AFF3: variants seen among roughly 807,000 people sequenced by gnomAD.
The protein encoded by AFF3 is ALF transcription elongation factor 3, also known as AF4/FMR2 family member 3.
Under a neutral mutation model 129.7 loss-of-function variants are expected in AFF3, and 32 were observed. The observed-to-expected ratio is 0.25, with a 90% CI of 0.19 to 0.33. The LOEUF (loss-of-function observed/expected upper bound fraction) is 0.33. AFF3 is among the 10% of genes least tolerant of loss of function. AFF3 has a pLI of 1.00. For synonymous variants in AFF3, 644 were observed against 635.4 expected, an observed-to-expected ratio of 1.01 and a Z score of -0.20; for missense variants, 1,373 against 1,592.0, an observed-to-expected ratio of 0.86 and a Z score of 2.34.
chr2:99,919,196 T>C (rs1341926793), intron 7 of AFF3, among the ~76,000 whole-genome samples: 1 of 152,210 alleles, frequency 6.6e-6, no homozygotes, highest in Non-Finnish European at 1.5e-5. Context: ...TCTTCTTTTA[T>C]GGATGATCCA....
At chr2:99,729,291 A>G (rs1348958927) in intron 10 of AFF3, among the ~76,000 whole-genome samples, 1 of 152,224 alleles carries the variant, frequency 6.6e-6, no homozygotes, top group African/African-American at 2.4e-5. Context: ...TTGACCAATC[A>G]TGCTGCCCAA....
chr2:99,879,411 T>C (rs1463998880), intron 7 of AFF3, among the ~76,000 whole-genome samples: 3 of 152,178 alleles, frequency 2.0e-5, no homozygotes, highest in African/African-American at 7.2e-5. Flanking sequence ...TCCATAAACG[T>C]GTATAACAAC....
intron 7 of AFF3, among the ~76,000 whole-genome samples, chr2:99,957,347 A>G (rs939022632): frequency 1.3e-5 from 2 of 152,244 alleles, no homozygotes; most frequent in Non-Finnish European, 1.5e-5. Context: ...TTAGGGTTGC[A>G]TGCAGAAATC....
chr2:99,941,591 CTG>C (rs1414187901), intron 7 of AFF3, among the ~76,000 whole-genome samples: 1 of 152,228 alleles, frequency 6.6e-6, no homozygotes, highest in Non-Finnish European at 1.5e-5. Flanking sequence ...CTAATTTCCA[CTG>C]TGACTACACA....
At position 99,621,927 on chromosome 2, in the gene AFF3, C is replaced by T. The variant is rs569870586; in HGVS notation, c.1185-20306G>A. Among the ~76,000 whole-genome samples, 8 of 152,182 alleles carry T rather than the reference C, an allele frequency of 5.3e-5. No homozygotes were observed. In the East Asian group the frequency reaches 1.5e-3, roughly 29 times the overall value. ...AATAGACGCAGGCCACGGGGAGGAA[C>T]CATTTATCCTTCCTTCAATTTTATA... On this transcript the variant is annotated intron_variant, in intron 13 of 24. Coordinates refer to ENST00000672756, the MANE Select transcript of AFF3 (RefSeq NM_001386135.1).
At chr2:99,712,562 A>G (rs1277138889) in intron 11 of AFF3, among the ~76,000 whole-genome samples, 1 of 152,264 alleles carries the variant, frequency 6.6e-6, no homozygotes, top group African/African-American at 2.4e-5. Context: ...GGGGCTGACA[A>G]AAGTGAACAT....
chr2:99,613,986 T>C (rs955419416), intron 13 of AFF3, among the ~76,000 whole-genome samples: 3 of 152,186 alleles, frequency 2.0e-5, no homozygotes, highest in Non-Finnish European at 4.4e-5. Context: ...GATGGGAATG[T>C]ATAATAGCTT....
At chr2:99,575,810 T>C (rs756661759) in intron 18 of AFF3, among the ~76,000 whole-genome samples, 19 of 152,204 alleles carry the variant, frequency 1.2e-4, no homozygotes, top group Admixed American at 5.9e-4. Flanking sequence ...ATTATACACA[T>C]TGCTAATGGG....
intron 7 of AFF3, among the ~76,000 whole-genome samples, chr2:99,847,934 T>C (rs530768198): frequency 3.3e-5 from 5 of 152,230 alleles, no homozygotes; most frequent in African/African-American, 1.2e-4. Context: ...CTCCATGGTA[T>C]TGTAATCTAA....
intron 4 of AFF3, among the ~76,000 whole-genome samples, chr2:100,054,594 G>C (rs1256793770): frequency 6.6e-6 from 1 of 152,158 alleles, no homozygotes; most frequent in Non-Finnish European, 1.5e-5. Context: ...TGGCTCTCCT[G>C]CATCTCCAGC....
intron 18 of AFF3, among the ~76,000 whole-genome samples, chr2:99,576,665 T>C (rs1346663594): frequency 6.6e-6 from 1 of 152,246 alleles, no homozygotes; most frequent in Non-Finnish European, 1.5e-5. Flanking sequence ...TGTGTGTATA[T>C]ACCATGCTCT....
At chr2:100,025,170 C>A (rs1489034359) in intron 4 of AFF3, among the ~76,000 whole-genome samples, 1 of 152,018 alleles carries the variant, frequency 6.6e-6, no homozygotes, top group Non-Finnish European at 1.5e-5. Context: ...TTTCTTCATT[C>A]TTCTTCCTTC....
At chr2:100,003,678 AC>A (rs1250433590) in intron 7 of AFF3, among the ~76,000 whole-genome samples, 14 of 152,242 alleles carry the variant, frequency 9.2e-5, no homozygotes, top group African/African-American at 3.4e-4. Flanking sequence ...CTCAGGAATT[AC>A]TGCAAATAAT....
chr2:99,552,423 A>G (rs1288760792), intron 24 of AFF3, among the ~76,000 whole-genome samples: 1 of 152,012 alleles, frequency 6.6e-6, no homozygotes, highest in Non-Finnish European at 1.5e-5. Flanking sequence ...GTACCAAGGC[A>G]CTCTGCTAGG....
At position 99,548,829 on chromosome 2, in the gene AFF3, G is replaced by A; in HGVS notation, c.*2645C>T. The stretch of plus-strand genomic sequence containing the variant: ...TGAATGACTTTCACAAGCAACAATT[G>A]GAGGATGGTTACTAACCAAAATCAC... On this transcript the variant is annotated 3_prime_UTR_variant, in exon 25 of 25. Transcript: ENST00000672756. The A allele has an allele frequency of 4.3e-6, 1 of 232,828 alleles. No individual in the cohort carries two copies. The highest frequency in any genetic ancestry group is 2.2e-5 in the African/African-American group (1 of 45,442). 14.4% of individuals were successfully genotyped at this position (232,828 alleles called of 1,614,324 possible).
chr2:99,947,674 A>C lies in AFF3; in HGVS notation c.873+58958T>G, dbSNP rs527262906. On this transcript the variant is annotated intron_variant, in intron 7 of 24. Transcript: ENST00000672756. The stretch of plus-strand genomic sequence containing the variant: ...TAGATAGACAGACAGACAGACAGAT[A>C]GATCGATCCAAACACAGGCACACTG... Among the ~76,000 whole-genome samples, 139 of 152,130 alleles carry C rather than the reference A, an allele frequency of 9.1e-4. 1 individual carries two copies. Among genetic ancestry groups the C allele is most frequent in the Middle Eastern group, 3.4e-3 (1 of 294 alleles).
chr2:99,680,665 A>G (rs1273225430), intron 11 of AFF3, among the ~76,000 whole-genome samples: 1 of 152,252 alleles, frequency 6.6e-6, no homozygotes, highest in Non-Finnish European at 1.5e-5. Flanking sequence ...TGCTTATTTA[A>G]TAACTTCTGA....
intron 8 of AFF3, among the ~76,000 whole-genome samples, chr2:99,793,562 T>A (rs185441828): frequency 6.6e-6 from 1 of 152,254 alleles, no homozygotes; most frequent in African/African-American, 2.4e-5. Context: ...TCTATTGGCA[T>A]AAAGTTGTTA....
At chr2:99,795,871 T>C (rs1291407931) in intron 8 of AFF3, among the ~76,000 whole-genome samples, 1 of 152,152 alleles carries the variant, frequency 6.6e-6, no homozygotes, top group East Asian at 1.9e-4. Context: ...ATTTGCATGT[T>C]GCCTCCTCTT....
Sources: allele counts gnomAD v4.1 joint callset (sites outside exome capture counted in the v4.1 genomes callset), GRCh38; gene constraint gnomAD v4.1.1; transcripts MANE v1.5; gene names NCBI Gene and HGNC (gene_info 2026-07-23, HGNC 2026-07-21).